PDC: variants seen among roughly 807,000 people sequenced by gnomAD.
PDC encodes the protein 33 kDa phototransducing protein.
In PDC, 19 loss-of-function variants were observed where a neutral mutation model predicts 22.2. The observed-to-expected ratio is 0.86, with a 90% CI of 0.60 to 1.26. The LOEUF (loss-of-function observed/expected upper bound fraction) is 1.26, where lower values mean the gene tolerates loss of function less well. PDC is among the 50% of genes most tolerant of loss of function. PDC has a pLI of 0.00. For synonymous variants in PDC, 97 were observed against 96.2 expected (o/e 1.01, Z -0.05); for missense variants, 274 against 286.8 (o/e 0.96, Z 0.32).
chr1:186,444,300 A>G lies in PDC; in HGVS notation c.420T>C (p.Ile140=), dbSNP rs1662173468. 1.9e-6 allele frequency: 3 copies of G among 1,613,952 alleles called. No homozygotes were observed. The East Asian group carries it at 6.7e-5, about 36-fold the overall frequency. ...ELKITTIVVH[I]YEDGIKGCDA... is the part of the protein sequence containing the mutation. Reference sequence around the variant, plus strand: ...CACAACCCTTAATACCATCTTCATAAATGTGAACAACAATTGTGGTGATCT... The same window carrying G: ...CACAACCCTTAATACCATCTTCATAGATGTGAACAACAATTGTGGTGATCT... Residue 140 remains isoleucine, a synonymous_variant, in exon 4 of 4, where the codon ATT becomes ATC. Coordinates refer to ENST00000391997, the MANE Select transcript of PDC (RefSeq NM_002597.5).
intron 2 of PDC, among the ~76,000 whole-genome samples, chr1:186,448,294 C>T (rs1225496889): frequency 6.6e-6 from 1 of 152,170 alleles, no homozygotes; most frequent in South Asian, 2.1e-4. Flanking sequence ...TGTTATTAAA[C>T]TTACTTGCTT....
intron 1 of PDC, among the ~76,000 whole-genome samples, chr1:186,454,597 C>T (rs1662420110): frequency 1.3e-5 from 2 of 152,196 alleles, no homozygotes; most frequent in South Asian, 4.1e-4. Context: ...ATCAGTCCTG[C>T]ATCTCTAGGT....
chr1:186,449,515 C>A, intron 1 of PDC, 32 bp from the exon 2 acceptor site: 2 of 1,089,040 alleles, frequency 1.8e-6, no homozygotes, highest in South Asian at 1.3e-5. Flanking sequence ...AATAATGACA[C>A]AAGAATTCCA....
At chr1:186,453,519 T>C (rs748821305) in intron 1 of PDC, among the ~76,000 whole-genome samples, 3 of 152,222 alleles carry the variant, frequency 2.0e-5, no homozygotes, top group African/African-American at 7.2e-5. Context: ...CTAGCTATTG[T>C]AGTTTATTGG....
intron 1 of PDC, among the ~76,000 whole-genome samples, chr1:186,455,996 T>A (rs12072145): frequency 0.34 from 14,863 of 43,830 alleles, 2,615 homozygotes; most frequent in Middle Eastern, 0.37. Context: ...AAAAAAAAAA[T>A]ATATATATAT....
chr1:186,454,879 A>T (rs535581855), intron 1 of PDC, among the ~76,000 whole-genome samples: 2 of 152,228 alleles, frequency 1.3e-5, no homozygotes, highest in African/African-American at 4.8e-5. Context: ...GGGATTTTTA[A>T]GATCAATTTC....
Position 186,446,498 on chromosome 1 carries a change from C to A in PDC, c.141G>T (p.Lys47Asn). Residue 47 changes from lysine (K) to asparagine (N), a missense_variant, in exon 3 of 4, where the codon AAG becomes AAT. Coordinates refer to ENST00000391997, the MANE Select transcript of PDC (RefSeq NM_002597.5). ...GAGAAGACATTTGCCTGAGAATCTC[C>A]TTCTTGCTAGGTGGAATTGAATCAC... ...QDSDSIPPSKKEILRQMSSPQ... is the reference protein window; with the variant it reads ...QDSDSIPPSKNEILRQMSSPQ... 1.9e-6 allele frequency: 3 copies of A among 1,606,218 alleles called. No individual in the cohort carries two copies. The highest frequency in any genetic ancestry group is 2.6e-6 in the Non-Finnish European group (3 of 1,174,072).
At chr1:186,447,929 T>C (rs1327449036) in intron 2 of PDC, among the ~76,000 whole-genome samples, 1 of 152,188 alleles carries the variant, frequency 6.6e-6, no homozygotes, top group African/African-American at 2.4e-5. Flanking sequence ...TTACCTTGTT[T>C]TTTCTGTTTC....
chr1:186,459,203 C>T (rs540480504), intron 1 of PDC, among the ~76,000 whole-genome samples: 1 of 152,304 alleles, frequency 6.6e-6, no homozygotes, highest in Non-Finnish European at 1.5e-5. Flanking sequence ...GGATATTTAC[C>T]AGGACCCTTC....
intron 1 of PDC, among the ~76,000 whole-genome samples, chr1:186,449,793 T>C (rs963710120): frequency 1.3e-5 from 2 of 152,298 alleles, no homozygotes; most frequent in African/African-American, 4.8e-5. Flanking sequence ...TTAGTGAACA[T>C]TATTTATTAC....
chr1:186,455,632 C>T (rs934059716), intron 1 of PDC, among the ~76,000 whole-genome samples: 4 of 151,232 alleles, frequency 2.6e-5, no homozygotes, highest in African/African-American at 9.7e-5. Context: ...GCCTGTGGAC[C>T]CCCAATCCTG....
At chr1:186,460,171 A>T (rs1040613426) in intron 1 of PDC, among the ~76,000 whole-genome samples, 1 of 152,172 alleles carries the variant, frequency 6.6e-6, no homozygotes, top group African/African-American at 2.4e-5. Flanking sequence ...CACTTATCTG[A>T]GGTTTTTCTT....
At chr1:186,445,570 G>C (rs1465102775) in intron 3 of PDC, among the ~76,000 whole-genome samples, 1 of 152,108 alleles carries the variant, frequency 6.6e-6, no homozygotes. Flanking sequence ...TGTAATCCCA[G>C]CACTTTGGCA....
At chr1:186,458,745 C>T (rs183216501) in intron 1 of PDC, among the ~76,000 whole-genome samples, 2 of 152,222 alleles carry the variant, frequency 1.3e-5, no homozygotes, top group Non-Finnish European at 2.9e-5. Context: ...TAGAGCCACT[C>T]AACAGTCCTG....
intron 1 of PDC, among the ~76,000 whole-genome samples, chr1:186,454,370 G>A (rs547820229): frequency 1.4e-4 from 21 of 151,718 alleles, no homozygotes; most frequent in Non-Finnish European, 2.5e-4. Flanking sequence ...GTAGACACGG[G>A]GTTTCACCAT....
At chr1:186,453,760 C>T (rs1412534156) in intron 1 of PDC, among the ~76,000 whole-genome samples, 2 of 152,090 alleles carry the variant, frequency 1.3e-5, no homozygotes, top group African/African-American at 2.4e-5. Context: ...CTACTATGTG[C>T]GGGGTACTCT....
At position 186,444,080 on chromosome 1, in the gene PDC, C is replaced by A; in HGVS notation, c.640G>T (p.Ala214Ser). ...VAEQFAEEFF[A>S]GDVESFLNEY... ...TTTAGGAAAGACTCCACATCCCCAGCAAAAAATTCTTCAGCAAACTGTTCA... is the reference window on the plus strand; with the variant it reads ...TTTAGGAAAGACTCCACATCCCCAGAAAAAAATTCTTCAGCAAACTGTTCA... Residue 214 changes from alanine to serine, a missense_variant, in exon 4 of 4, where the codon GCT becomes TCT. Coordinates refer to ENST00000391997, the MANE Select transcript of PDC (RefSeq NM_002597.5). 1 of 1,613,808 alleles carries A rather than the reference C, an allele frequency of 6.2e-7. No individual in the cohort carries two copies. Among genetic ancestry groups the A allele is most frequent in the Non-Finnish European group, 8.5e-7 (1 of 1,179,772 alleles).
intron 1 of PDC, among the ~76,000 whole-genome samples, chr1:186,452,317 C>T (rs1307523974): frequency 6.6e-6 from 1 of 152,224 alleles, no homozygotes; most frequent in Non-Finnish European, 1.5e-5. Context: ...CCCCTCACTG[C>T]AACCTCTGCC....
intron 1 of PDC, among the ~76,000 whole-genome samples, chr1:186,454,127 T>G (rs1170891494): frequency 6.6e-6 from 1 of 151,856 alleles, no homozygotes; most frequent in Non-Finnish European, 1.5e-5. Flanking sequence ...TAGTTTATAC[T>G]GAATGTAATA....
Sources: gnomAD v4.1 joint callset for allele counts (sites outside exome capture counted in the v4.1 genomes callset) on GRCh38, gnomAD v4.1.1 for gene constraint, MANE v1.5 for transcripts, NCBI Gene and HGNC (gene_info 2026-07-23, HGNC 2026-07-21) for gene names.